The following PTPRU variants were observed in gnomAD, a reference collection of about 807,000 sequenced individuals.
PTPRU encodes the protein receptor-type tyrosine-protein phosphatase U.
PTPRU carries 69 observed loss-of-function variants against 166.3 expected under a neutral mutation model. The observed-to-expected ratio is 0.41, with a 90% CI of 0.34 to 0.51. The LOEUF (loss-of-function observed/expected upper bound fraction) is 0.51. PTPRU is among the 20% of genes least tolerant of loss of function. The probability of loss-of-function intolerance (pLI) is 0.09; values close to 1 mark genes in which losing one functional copy is unlikely to be tolerated. For synonymous variants in PTPRU, 793 were observed against 814.0 expected (o/e 0.97, Z 0.44); for missense variants, 1,657 against 2,013.7 (o/e 0.82, Z 3.39).
chr1:29,294,267 G>A (rs1248624767), intron 15 of PTPRU, among the ~76,000 whole-genome samples: 2 of 152,140 alleles, frequency 1.3e-5, no homozygotes, highest in African/African-American at 4.8e-5. Flanking sequence ...TGCCACATTA[G>A]TTTGTATAAA....
At position 29,320,511 on chromosome 1, in the gene PTPRU, C is replaced by A; in HGVS notation, c.3688-174C>A. 2 of 671,348 alleles carry A rather than the reference C, an allele frequency of 3.0e-6. No individual in the cohort carries two copies. Among genetic ancestry groups the A allele is most frequent in the Non-Finnish European group, 2.2e-6 (1 of 446,518 alleles). 41.6% of individuals were successfully genotyped at this position (671,348 alleles called of 1,614,324 possible). On this transcript the variant is annotated intron_variant, in intron 25 of 29. Transcript: ENST00000373779. This position sits in a 1 kb window ranked among gnomAD's most constrained non-coding sequence, Gnocchi z 5.2. ...AGAGGCCTGGGCCCACCCTGTCAACCCAGGCCTCAGTGTGCCAACCAACAT... is the reference window on the plus strand; with the variant it reads ...AGAGGCCTGGGCCCACCCTGTCAACACAGGCCTCAGTGTGCCAACCAACAT...
Position 29,282,891 on chromosome 1 carries a change from C to T in PTPRU, c.2084C>T (p.Pro695Leu), listed in dbSNP as rs1174468524. The T allele has an allele frequency of 1.2e-6, 2 of 1,614,130 alleles. No homozygotes were observed. The highest frequency in any genetic ancestry group is 1.3e-5 in the African/African-American group (1 of 75,046). Reference sequence around the variant, plus strand: ...ACCTACCGAGGCTTCTGGAACCCACCACTTGAGCCTAGGAAGGCCTATCTC... The same window carrying T: ...ACCTACCGAGGCTTCTGGAACCCACTACTTGAGCCTAGGAAGGCCTATCTC... Reference protein sequence around the residue: ...NQTYRGFWNPPLEPRKAYLIY... With the variant: ...NQTYRGFWNPLLEPRKAYLIY... Residue 695 changes from proline to leucine, a missense_variant, in exon 12 of 30, where the codon CCA becomes CTA. Physicochemically the swap from Pro to Leu is moderately conservative, Grantham distance 98. This residue lies in a region of PTPRU where 1,190 missense variants were observed against 1,477.4 expected (regional missense o/e 0.81). Transcript: ENST00000373779.
At position 29,320,701 on chromosome 1, in the gene PTPRU, C is replaced by T. The variant is rs752824188; in HGVS notation, c.3704C>T (p.Ala1235Val). The change falls in exon 26 of 30, where the codon GCG becomes GTG. Residue 1235 changes from alanine (A) to valine (V), a missense_variant. This residue lies in a region of PTPRU where 1,190 missense variants were observed against 1,477.4 expected (regional missense o/e 0.81). Coordinates refer to ENST00000373779, the MANE Select transcript of PTPRU (RefSeq NM_133178.4). This position sits in a 1 kb window ranked among gnomAD's most constrained non-coding sequence, Gnocchi z 5.2. ...TCCCTGCAGAGCTACACACGGAGTG[C>T]GGCCTTCATCGTGACCCTGCACCCG... ...AALTDSYTRSAAFIVTLHPLQ... is the reference protein window; with the variant it reads ...AALTDSYTRSVAFIVTLHPLQ... 5.6e-6 allele frequency: 9 copies of T among 1,596,816 alleles called. No individual in the cohort carries two copies. Among genetic ancestry groups the T allele is most frequent in the African/African-American group, 1.3e-5 (1 of 74,596 alleles).
At chr1:29,239,538 G>T (rs1683945241) in intron 1 of PTPRU, among the ~76,000 whole-genome samples, 1 of 152,120 alleles carries the variant, frequency 6.6e-6, no homozygotes, top group South Asian at 2.1e-4. Context: ...CCCAGCTCTG[G>T]TGTCAGAAAA....
intron 7 of PTPRU, among the ~76,000 whole-genome samples, chr1:29,265,626 AT>A (rs1478467313): frequency 6.6e-6 from 1 of 151,976 alleles, no homozygotes; most frequent in African/African-American, 2.4e-5. Flanking sequence ...GCCTCCCAAA[AT>A]GCTGGGATTA....
Position 29,279,719 on chromosome 1 carries a change from G to A in PTPRU, c.1765+62G>A, listed in dbSNP as rs1194456730. 1.3e-6 allele frequency: 2 copies of A among 1,558,426 alleles called. No individual in the cohort carries two copies. The highest frequency in any genetic ancestry group is 2.2e-5 in the East Asian group (1 of 44,530). On this transcript the variant is annotated intron_variant, in intron 10 of 29. Coordinates refer to ENST00000373779, the MANE Select transcript of PTPRU (RefSeq NM_133178.4). This position sits in a 1 kb window ranked among gnomAD's most constrained non-coding sequence, Gnocchi z 5.2. ...GTGGCCCAGAATCCCAGGGTTCCAT[G>A]GGCAGAAGGGAAATGGGGGGCATCC...
At chr1:29,269,809 C>T (rs1332350612) in intron 7 of PTPRU, among the ~76,000 whole-genome samples, 1 of 152,190 alleles carries the variant, frequency 6.6e-6, no homozygotes, top group Non-Finnish European at 1.5e-5. Context: ...CTTCACATCT[C>T]TGCCCATATG....
Position 29,325,771 on chromosome 1 carries a change from C to A in PTPRU, c.*110C>A. Reference sequence around the variant, plus strand: ...TCTGCCCAAACACACTCCCATGGGGCAAGCACTGGAGTGGATGCTGGGCTA... The same window carrying A: ...TCTGCCCAAACACACTCCCATGGGGAAAGCACTGGAGTGGATGCTGGGCTA... On this transcript the variant is annotated 3_prime_UTR_variant, in exon 30 of 30. Coordinates refer to ENST00000373779, the MANE Select transcript of PTPRU (RefSeq NM_133178.4). The A allele has an allele frequency of 8.3e-6, 10 of 1,211,614 alleles. No homozygotes were observed. Among genetic ancestry groups the A allele is most frequent in the Non-Finnish European group, 1.1e-5 (10 of 873,124 alleles). 75.1% of individuals were successfully genotyped at this position (1,211,614 alleles called of 1,614,324 possible).
In PTPRU at chr1:29,313,507, T is replaced by A. The variant is rs545836517; in HGVS notation, c.3227+801T>A. Among the ~76,000 whole-genome samples, 6 of 152,360 alleles carry A rather than the reference T, an allele frequency of 3.9e-5. No individual in the cohort carries two copies. The South Asian group carries it at 1.0e-3, about 26-fold the overall frequency. On this transcript the variant is annotated intron_variant, in intron 22 of 29. Transcript: ENST00000373779. ...AAGTGCAGAAATATGTTTAAAAATATGAATTTTCATAAACTGAGCACACTT... is the reference window on the plus strand; with the variant it reads ...AAGTGCAGAAATATGTTTAAAAATAAGAATTTTCATAAACTGAGCACACTT...
chr1:29,291,740 A>C lies in PTPRU; in HGVS notation c.2319-129A>C. The C allele has an allele frequency of 1.1e-6, 1 of 950,518 alleles. No individual in the cohort carries two copies. The highest frequency in any genetic ancestry group is 1.6e-6 in the Non-Finnish European group (1 of 633,656). 58.9% of individuals were successfully genotyped at this position (950,518 alleles called of 1,614,324 possible). ...GATGGGGGCAGAGCCCTCAGCATCCAGAGATGCTTCTAGGACAGCTGCTGG... is the reference window on the plus strand; with the variant it reads ...GATGGGGGCAGAGCCCTCAGCATCCCGAGATGCTTCTAGGACAGCTGCTGG... On this transcript the variant is annotated intron_variant, in intron 14 of 29. Transcript: ENST00000373779. The surrounding 1 kb of genome is among the most constrained non-coding windows in gnomAD (Gnocchi z 4.1).
chr1:29,300,606 C>T (rs1687093553), intron 15 of PTPRU, among the ~76,000 whole-genome samples: 1 of 152,206 alleles, frequency 6.6e-6, no homozygotes, highest in South Asian at 2.1e-4. Context: ...AGGGTTTGGG[C>T]ATCCCACCAC....
intron 1 of PTPRU, among the ~76,000 whole-genome samples, chr1:29,254,383 T>C (rs932243780): frequency 1.3e-5 from 2 of 152,224 alleles, no homozygotes; most frequent in African/African-American, 4.8e-5. Flanking sequence ...CTCACATGTA[T>C]TTCAATCCTC....
In PTPRU at chr1:29,257,036, TCA is replaced by T. The variant is rs902801215; in HGVS notation, c.206-1465_206-1464del. On this transcript the variant is annotated intron_variant, in intron 2 of 29. Transcript: ENST00000373779. The surrounding 1 kb of genome is among the most constrained non-coding windows in gnomAD (Gnocchi z 4.6). ...TGGAGGGAGAAGAAAGGAGGGAGATTCACACTCAGAGATGGAGAGAGGAGAAG... is the reference window on the plus strand; with the variant it reads ...TGGAGGGAGAAGAAAGGAGGGAGATTCACTCAGAGATGGAGAGAGGAGAAG... 2.3e-4 allele frequency among the ~76,000 whole-genome samples: 35 copies of T among 151,706 alleles called. 1 individual carries two copies. Among genetic ancestry groups the T allele is most frequent in the Admixed American group, 2.0e-4 (3 of 15,232 alleles).
intron 8 of PTPRU, among the ~76,000 whole-genome samples, chr1:29,276,499 G>A (rs1390242949): frequency 3.3e-5 from 5 of 151,588 alleles, no homozygotes; most frequent in African/African-American, 1.2e-4. Context: ...TGTATTTTTT[G>A]TAGAGACGGG....
At chr1:29,323,906 C>T (rs530907931) in intron 28 of PTPRU, 118 bp downstream of exon 28, 2 of 1,271,258 alleles carry the variant, frequency 1.6e-6, no homozygotes, top group South Asian at 1.6e-5. Context: ...AACCCCTGGG[C>T]TCTTAGATGG....
rs957664758 is a variant in PTPRU, at chr1:29,320,733, A to G, written c.3736A>G (p.Ser1246Gly). The G allele has an allele frequency of 1.2e-6, 2 of 1,608,610 alleles. No individual in the cohort carries two copies. The highest frequency in any genetic ancestry group is 1.7e-5 in the Admixed American group (1 of 59,810). Reference protein sequence around the residue: ...AFIVTLHPLQSTTPDFWRLVY... With the variant: ...AFIVTLHPLQGTTPDFWRLVY... Reference sequence around the variant, plus strand: ...CATCGTGACCCTGCACCCGCTGCAGAGCACCACGCCCGACTTCTGGCGGCT... The same window carrying G: ...CATCGTGACCCTGCACCCGCTGCAGGGCACCACGCCCGACTTCTGGCGGCT... Residue 1246 changes from serine to glycine, a missense_variant, in exon 26 of 30, where the codon AGC (serine) becomes GGC (glycine). Around this residue, in one of 3 missense-constraint regions of PTPRU, gnomAD observed 1,190 missense variants for 1,477.4 expected, o/e 0.81. Coordinates refer to ENST00000373779, the MANE Select transcript of PTPRU (RefSeq NM_133178.4). This position sits in a 1 kb window ranked among gnomAD's most constrained non-coding sequence, Gnocchi z 5.2.
intron 7 of PTPRU, among the ~76,000 whole-genome samples, chr1:29,266,705 T>C (rs919206611): frequency 1.3e-5 from 2 of 152,234 alleles, no homozygotes; most frequent in Admixed American, 6.5e-5. Context: ...GAGTGTCTAT[T>C]ACGTGCGAGG....
intron 15 of PTPRU, among the ~76,000 whole-genome samples, chr1:29,297,052 GTTTTT>G (rs35789721): frequency 9.0e-6 from 1 of 111,400 alleles, no homozygotes; most frequent in Admixed American, 1.0e-4. Flanking sequence ...CTTAGTAGCT[GTTTTT>G]TTTTTTTTTT....
rs552468507 is a variant in PTPRU, at chr1:29,317,287, C to T, written c.3514-461C>T. Among the ~76,000 whole-genome samples, 2 of 152,150 alleles carry T rather than the reference C, an allele frequency of 1.3e-5. No individual in the cohort carries two copies. Among genetic ancestry groups the T allele is most frequent in the Admixed American group, 6.5e-5 (1 of 15,282 alleles). On this transcript the variant is annotated intron_variant, in intron 24 of 29. Coordinates refer to ENST00000373779, the MANE Select transcript of PTPRU (RefSeq NM_133178.4). The surrounding 1 kb of genome is among the most constrained non-coding windows in gnomAD (Gnocchi z 5.6). ...CCGTGACCAAGGAACGTGACCCCCT[C>T]TCCACGTGCCTGGAGTCCGCTTCTT...
Sources: gnomAD v4.1 joint callset for allele counts (sites outside exome capture counted in the v4.1 genomes callset) on GRCh38, gnomAD v4.1.1 for gene constraint, gnomAD v4.1.1 regional missense constraint, Gnocchi (gnomAD v3.1) non-coding constraint, MANE v1.5 for transcripts, NCBI Gene and HGNC (gene_info 2026-07-23, HGNC 2026-07-21) for gene names.